CAPN9: variants seen among roughly 807,000 people sequenced by gnomAD.
The protein encoded by CAPN9 is calpain-9.
In CAPN9, 81 loss-of-function variants were observed where a neutral mutation model predicts 92.8. That is an observed-to-expected ratio of 0.87 (90% CI 0.73 to 1.05). CAPN9 has a LOEUF of 1.05. Among genes scored for constraint, CAPN9 ranks in the 50% least tolerant of loss-of-function variants. The probability of loss-of-function intolerance (pLI) is 0.00; values close to 1 mark genes in which losing one functional copy is unlikely to be tolerated. For synonymous variants in CAPN9, 304 were observed against 328.0 expected (o/e 0.93, Z 0.79); for missense variants, 848 against 866.2 (o/e 0.98, Z 0.26).
At chr1:230,795,373 C>A in intron 18 of CAPN9, 94 bp downstream of exon 18, 1 of 732,388 alleles carries the variant, frequency 1.4e-6, no homozygotes, top group Admixed American at 2.0e-5. Context: ...AAAGTAATGG[C>A]AAAGATAGAC....
chr1:230,749,151 C>T (rs1384051248), intron 1 of CAPN9, among the ~76,000 whole-genome samples: 2 of 152,212 alleles, frequency 1.3e-5, no homozygotes, highest in African/African-American at 2.4e-5. Context: ...AGTGAGCATT[C>T]AGTGGCCCTA....
At chr1:230,759,022 A>G (rs1308590009) in intron 2 of CAPN9, among the ~76,000 whole-genome samples, 2 of 152,248 alleles carry the variant, frequency 1.3e-5, no homozygotes, top group East Asian at 1.9e-4. Flanking sequence ...AAAATGCAAG[A>G]TAATTTAAAG....
rs1365211983 is a variant in CAPN9 at position 230,801,554 on chromosome 1, C to T, written c.2047-16C>T. 4 of 1,613,708 alleles carry T rather than the reference C, an allele frequency of 2.5e-6. No homozygotes were observed. Among genetic ancestry groups the T allele is most frequent in the African/African-American group, 1.3e-5 (1 of 75,032 alleles). The stretch of plus-strand genomic sequence containing the variant: ...GGAAGGACAACGACCCCTCATCTCT[C>T]TCTCTCTCTTCCCAGTTCATCCATT... On this transcript the variant is annotated splice_polypyrimidine_tract_variant and intron_variant, in intron 19 of 19. Transcript: ENST00000271971.
At chr1:230,750,940 G>A (rs1045595984) in intron 1 of CAPN9, among the ~76,000 whole-genome samples, 2 of 152,180 alleles carry the variant, frequency 1.3e-5, no homozygotes, top group African/African-American at 4.8e-5. Context: ...GACCTGAGTG[G>A]AAGTGGGTGC....
intron 4 of CAPN9, among the ~76,000 whole-genome samples, chr1:230,763,247 A>C (rs1482295879): frequency 1.3e-5 from 2 of 152,218 alleles, no homozygotes; most frequent in East Asian, 3.8e-4. Context: ...GTATATGATA[A>C]AATGTATATG....
intron 19 of CAPN9, among the ~76,000 whole-genome samples, chr1:230,798,658 C>T (rs1282138695): frequency 7.9e-5 from 12 of 152,262 alleles, no homozygotes; most frequent in Admixed American, 7.2e-4. Context: ...GGCCAGTTAC[C>T]GGGGCCATTG....
chr1:230,778,959 C>A lies in CAPN9; in HGVS notation c.954-14C>A. 6.2e-7 allele frequency: 1 copy of A among 1,610,820 alleles called. No homozygotes were observed. The highest frequency in any genetic ancestry group is 8.5e-7 in the Non-Finnish European group (1 of 1,178,044). On this transcript the variant is annotated splice_polypyrimidine_tract_variant and intron_variant, in intron 8 of 19. Coordinates refer to ENST00000271971, the MANE Select transcript of CAPN9 (RefSeq NM_006615.3). ...TTGCCCTCCTGTGCATCGTGTCTCT[C>A]CGCTTTGCTGCAGGATGGCATTTAA...
chr1:230,798,296 G>C, intron 19 of CAPN9, 76 bp downstream of exon 19: 1 of 950,924 alleles, frequency 1.1e-6, no homozygotes, highest in Non-Finnish European at 1.7e-6. Flanking sequence ...GATGTTTGCC[G>C]AATGCTTGAT....
chr1:230,786,072 C>T (rs371495187), intron 12 of CAPN9, 55 bp downstream of exon 12: 25 of 1,609,300 alleles, frequency 1.6e-5, no homozygotes, highest in Non-Finnish European at 2.0e-5. Context: ...GTTCTGGAAA[C>T]CTTCCTTCTA....
intron 8 of CAPN9, among the ~76,000 whole-genome samples, chr1:230,775,876 C>G (rs1666730997): frequency 6.7e-6 from 1 of 148,390 alleles, no homozygotes; most frequent in African/African-American, 2.5e-5. Context: ...GAGATTGCAT[C>G]ACTGCACTCT....
At chr1:230,769,881 T>C (rs1009165736) in intron 6 of CAPN9, among the ~76,000 whole-genome samples, 12 of 152,214 alleles carry the variant, frequency 7.9e-5, no homozygotes, top group African/African-American at 2.7e-4. Context: ...CTCTTCCCTA[T>C]GATTTTCTTG....
intron 9 of CAPN9, 74 bp from the exon 10 acceptor site, chr1:230,780,081 CGTGTGTGTGTGTGTGTGTGTGTGT>C: frequency 6.2e-6 from 4 of 645,972 alleles, no homozygotes; most frequent in Non-Finnish European, 7.9e-6. Context: ...GGTGTATGTG[CGTGTGTGTGTGTGTGTGTGTGTGT>C]GTGTGTGTGT....
Position 230,755,389 on chromosome 1 carries a change from T to A in CAPN9, c.266T>A (p.Ile89Asn). 6.2e-7 allele frequency: 1 copy of A among 1,607,816 alleles called. No homozygotes were observed. The highest frequency in any genetic ancestry group is 1.3e-5 in the African/African-American group (1 of 74,698). The change falls in exon 2 of 20, where the codon ATC (isoleucine) becomes AAC (asparagine). Residue 89 changes from isoleucine to asparagine, a missense_variant. Physicochemically the swap from Ile to Asn is moderately radical, Grantham distance 149. Coordinates refer to ENST00000271971, the MANE Select transcript of CAPN9 (RefSeq NM_006615.3). ...FILGGATRTDICQGELGDCWL... is the reference protein window; with the variant it reads ...FILGGATRTDNCQGELGDCWL... The stretch of plus-strand genomic sequence containing the variant: ...CTTGGAGGGGCCACCAGGACTGATA[T>A]CTGCCAGGGAGAGCTGGGTGAGTGT...
intron 1 of CAPN9, among the ~76,000 whole-genome samples, chr1:230,751,332 A>G (rs1273263370): frequency 6.6e-6 from 1 of 152,120 alleles, no homozygotes; most frequent in Non-Finnish European, 1.5e-5. Flanking sequence ...TATGAACAGC[A>G]GCGTCTGGCA....
At chr1:230,780,121 TGG>T in intron 9 of CAPN9, 56 bp from the exon 10 acceptor site, 4 of 965,482 alleles carry the variant, frequency 4.1e-6, no homozygotes, top group Non-Finnish European at 6.3e-6. Flanking sequence ...TGTGTGTGTG[TGG>T]TCTTTGTGGG....
At chr1:230,800,233 AGAAAGAAAG>A (rs1359375444) in intron 19 of CAPN9, among the ~76,000 whole-genome samples, 2 of 31,340 alleles carry the variant, frequency 6.4e-5, no homozygotes, top group East Asian at 1.5e-3. Flanking sequence ...GAAAGAAAGA[AGAAAGAAAG>A]AAAGAAAGAA....
At chr1:230,801,007 C>A (rs564550503) in intron 19 of CAPN9, among the ~76,000 whole-genome samples, 3 of 152,266 alleles carry the variant, frequency 2.0e-5, no homozygotes, top group East Asian at 1.9e-4. Flanking sequence ...GAGAAAAAAA[C>A]CATCTCATAT....
chr1:230,752,132 T>C (rs1358021141), intron 1 of CAPN9, among the ~76,000 whole-genome samples: 2 of 152,092 alleles, frequency 1.3e-5, no homozygotes, highest in Non-Finnish European at 2.9e-5. Context: ...ATGTGGAGCA[T>C]GCACAAGCAC....
At chr1:230,768,547 T>TG (rs998562932) in intron 5 of CAPN9, among the ~76,000 whole-genome samples, 32 of 151,778 alleles carry the variant, frequency 2.1e-4, no homozygotes, top group African/African-American at 7.2e-4. Flanking sequence ...GAAATTTGTT[T>TG]TTTTTTTTTC....
Sources: allele counts gnomAD v4.1 joint callset (sites outside exome capture counted in the v4.1 genomes callset), GRCh38; gene constraint gnomAD v4.1.1; transcripts MANE v1.5; gene names NCBI Gene and HGNC (gene_info 2026-07-23, HGNC 2026-07-21).